The following RAB11FIP1 variants were observed in gnomAD, a reference collection of about 807,000 sequenced individuals.
The protein encoded by RAB11FIP1 is RAB11 family interacting protein 1.
A neutral mutation model predicts 83.1 loss-of-function variants in RAB11FIP1; 49 were observed. The ratio of observed to expected loss-of-function variants is 0.59; its 90% CI spans 0.47 to 0.75. The LOEUF is 0.75. Ranked by LOEUF, RAB11FIP1 falls within the 30% of genes least tolerant of loss-of-function variation. The pLI is 0.00. For synonymous variants in RAB11FIP1, 670 were observed against 656.0 expected, an observed-to-expected ratio of 1.02 and a Z score of -0.33; for missense variants, 1,536 against 1,598.7, an observed-to-expected ratio of 0.96 and a Z score of 0.67.
intron 3 of RAB11FIP1, 43 bp downstream of exon 3, chr8:37,874,472 T>C (rs569867642): frequency 2.6e-6 from 4 of 1,522,624 alleles, no homozygotes; most frequent in East Asian, 2.3e-5. Flanking sequence ...AAACCACCAA[T>C]GGCAAGGCAG....
At chr8:37,896,497 G>GA (rs966269538) in intron 1 of RAB11FIP1, among the ~76,000 whole-genome samples, 5 of 150,726 alleles carry the variant, frequency 3.3e-5, no homozygotes, top group African/African-American at 9.8e-5. Context: ...TTTTAAGAAA[G>GA]AAAAAAAAAT....
intron 5 of RAB11FIP1, among the ~76,000 whole-genome samples, chr8:37,863,936 C>G (rs1055815726): frequency 6.6e-6 from 1 of 152,186 alleles, no homozygotes; most frequent in Admixed American, 6.5e-5. Context: ...GCTGTGACAG[C>G]AAGTGCAGGG....
At chr8:37,886,679 G>A (rs1169139829) in intron 1 of RAB11FIP1, among the ~76,000 whole-genome samples, 1 of 152,186 alleles carries the variant, frequency 6.6e-6, no homozygotes, top group Admixed American at 6.5e-5. Context: ...CTCGAGTGAG[G>A]AAAGAAGCAG....
chr8:37,863,125 G>C lies in RAB11FIP1; in HGVS notation c.3634-12C>G, dbSNP rs755952723. The C allele has an allele frequency of 6.2e-7, 1 of 1,601,148 alleles. No homozygotes were observed. The highest frequency in any genetic ancestry group is 1.1e-5 in the South Asian group (1 of 90,586). Reference sequence around the variant, plus strand: ...GAGGGGCTGTATTTCTTTGGAGGGGGGGAAATAGTTGGGAAAAAGGAGTTA... The same window carrying C: ...GAGGGGCTGTATTTCTTTGGAGGGGCGGAAATAGTTGGGAAAAAGGAGTTA... On this transcript the variant is annotated splice_polypyrimidine_tract_variant and intron_variant, in intron 5 of 5. Transcript: ENST00000330843.
At chr8:37,882,073 C>T (rs1189020984) in intron 1 of RAB11FIP1, among the ~76,000 whole-genome samples, 1 of 152,152 alleles carries the variant, frequency 6.6e-6, no homozygotes. Flanking sequence ...CAACCGCAGG[C>T]GGGCAGCACG....
rs1213563162 is a variant in RAB11FIP1 at position 37,877,404 on chromosome 8, C to T, written c.519G>A (p.Leu173=). 1 of 1,614,192 alleles carries T rather than the reference C, an allele frequency of 6.2e-7. No individual in the cohort carries two copies. Among genetic ancestry groups the T allele is most frequent in the Non-Finnish European group, 8.5e-7 (1 of 1,180,038 alleles). Residue 173 remains leucine, a synonymous_variant, in exon 2 of 6, where the codon CTG becomes CTA. Transcript: ENST00000330843. ...KDKSRNPFGK[L]KDKIKGKNKD... Reference sequence around the variant, plus strand: ...TATTCTTCCCCTTGATCTTGTCCTTCAGCTTTCCAAATGGATTCCGAGACT... The same window carrying T: ...TATTCTTCCCCTTGATCTTGTCCTTTAGCTTTCCAAATGGATTCCGAGACT...
At chr8:37,892,595 C>T (rs188539534) in intron 1 of RAB11FIP1, among the ~76,000 whole-genome samples, 5 of 151,944 alleles carry the variant, frequency 3.3e-5, no homozygotes, top group African/African-American at 9.7e-5. Context: ...TACAGGCACC[C>T]GCCACCATGG....
At chr8:37,895,218 A>ATAT (rs1807040291) in intron 1 of RAB11FIP1, among the ~76,000 whole-genome samples, 26 of 13,706 alleles carry the variant, frequency 1.9e-3, no homozygotes, top group African/African-American at 5.1e-3. Context: ...GGTGCCTGCC[A>ATAT]ATATATATAT....
intron 1 of RAB11FIP1, among the ~76,000 whole-genome samples, chr8:37,892,441 T>G (rs1585448547): frequency 1.4e-5 from 2 of 139,384 alleles, no homozygotes; most frequent in Admixed American, 6.8e-5. Context: ...ATTTATTTAT[T>G]TATTTATTTA....
At chr8:37,865,285 C>T (rs934596800) in intron 5 of RAB11FIP1, among the ~76,000 whole-genome samples, 1 of 150,582 alleles carries the variant, frequency 6.6e-6, no homozygotes, top group African/African-American at 2.4e-5. Context: ...CAACACCTAA[C>T]ATTTGGGTCT....
chr8:37,869,759 T>A (rs914914892), intron 5 of RAB11FIP1, among the ~76,000 whole-genome samples: 1 of 151,876 alleles, frequency 6.6e-6, no homozygotes, highest in African/African-American at 2.4e-5. Flanking sequence ...AGAGAGAAGG[T>A]TGGGGAGAGG....
chr8:37,886,544 A>G (rs1806838595), intron 1 of RAB11FIP1, among the ~76,000 whole-genome samples: 1 of 152,208 alleles, frequency 6.6e-6, no homozygotes, highest in Non-Finnish European at 1.5e-5. Flanking sequence ...TCATTTCTGT[A>G]TCCAGTTTGG....
At chr8:37,890,945 T>C (rs1806937033) in intron 1 of RAB11FIP1, among the ~76,000 whole-genome samples, 1 of 152,202 alleles carries the variant, frequency 6.6e-6, no homozygotes, top group Non-Finnish European at 1.5e-5. Flanking sequence ...GGCAATCTAC[T>C]GCCTGCCCTG....
Position 37,875,051 on chromosome 8 carries a change from C to A in RAB11FIP1, c.1086G>T (p.Ala362=). The part of the protein sequence containing the change: ...KHLFSSTENL[A]AGSWKEPAEG... ...CAGCAGGCTCCTTCCAAGACCCAGC[C>A]GCCAGGTTCTCTGTAGAAGAGAACA... Residue 362 remains alanine, a synonymous_variant, in exon 3 of 6, where the codon GCG becomes GCT. Coordinates refer to ENST00000330843, the MANE Select transcript of RAB11FIP1 (RefSeq NM_001002814.3). 6.2e-7 allele frequency: 1 copy of A among 1,614,132 alleles called. No individual in the cohort carries two copies. Among genetic ancestry groups the A allele is most frequent in the South Asian group, 1.1e-5 (1 of 91,070 alleles).
intron 1 of RAB11FIP1, among the ~76,000 whole-genome samples, chr8:37,894,693 C>CAT (rs1365864242): frequency 2.1e-5 from 3 of 144,258 alleles, no homozygotes; most frequent in Admixed American, 6.9e-5. Context: ...TTTATATATA[C>CAT]ATAAATACAT....
Position 37,899,384 on chromosome 8 carries a change from C to T in RAB11FIP1, c.58G>A (p.Val20Met), listed in dbSNP as rs201423264. Residue 20 changes from valine (V) to methionine (M), a missense_variant, in exon 1 of 6, where the codon GTG (valine) becomes ATG (methionine). By Grantham distance (21) the Val-to-Met change is conservative (BLOSUM62 1). Coordinates refer to ENST00000330843, the MANE Select transcript of RAB11FIP1 (RefSeq NM_001002814.3). The surrounding 1 kb of genome is among the most constrained non-coding windows in gnomAD (Gnocchi z 4.5). ...GLGAVWSPTH[V>M]QVTVLQARGL... ...CGCGCCTGCAGCACCGTCACCTGCA[C>T]GTGGGTTGGGGACCACACGGCCCCC... 3.1e-6 allele frequency: 5 copies of T among 1,602,402 alleles called. No homozygotes were observed. Among genetic ancestry groups the T allele is most frequent in the Non-Finnish European group, 4.3e-6 (5 of 1,175,548 alleles).
intron 3 of RAB11FIP1, among the ~76,000 whole-genome samples, chr8:37,874,294 C>T (rs1806551554): frequency 6.6e-6 from 1 of 152,246 alleles, no homozygotes; most frequent in Admixed American, 6.5e-5. Context: ...CAGACCATGC[C>T]TGCTGGGCAG....
chr8:37,873,131 A>C lies in RAB11FIP1; in HGVS notation c.1671T>G (p.Pro557=). The change falls in exon 4 of 6, where the codon CCT becomes CCG. Residue 557 remains proline, a synonymous_variant. Transcript: ENST00000330843. The part of the protein sequence containing the change: ...EAQPTARLPS[P]TDSPSSLPPL... The stretch of plus-strand genomic sequence containing the variant: ...GAGGAAGAGAGGAAGGGGAGTCAGT[A>C]GGGGAAGGAAGCCTGGCTGTGGGTT... 1 of 1,610,512 alleles carries C rather than the reference A, an allele frequency of 6.2e-7. No homozygotes were observed. Among genetic ancestry groups the C allele is most frequent in the Non-Finnish European group, 8.5e-7 (1 of 1,179,344 alleles).
rs1806236622 is a variant in RAB11FIP1, at chr8:37,861,737, C to T, written c.*1158G>A. 2.8e-6 allele frequency: 1 copy of T among 359,254 alleles called. No individual in the cohort carries two copies. The highest frequency in any genetic ancestry group is 2.2e-5 in the African/African-American group (1 of 45,958). The allele number at this position is 359,254 out of a possible 1,614,324, so 22.3% of individuals were successfully genotyped here. A position where few individuals can be genotyped will look rare whatever the true frequency, so the allele number is the denominator to read the frequency against. On this transcript the variant is annotated 3_prime_UTR_variant, in exon 6 of 6. Coordinates refer to ENST00000330843, the MANE Select transcript of RAB11FIP1 (RefSeq NM_001002814.3). ...CCGAGTAGCTGGGATTACAGGCACGCACCACCATGCCAAGCTAATTTTTGT... is the reference window on the plus strand; with the variant it reads ...CCGAGTAGCTGGGATTACAGGCACGTACCACCATGCCAAGCTAATTTTTGT...
Sources: gnomAD v4.1 joint callset for allele counts (sites outside exome capture counted in the v4.1 genomes callset) on GRCh38, gnomAD v4.1.1 for gene constraint, Gnocchi (gnomAD v3.1) non-coding constraint, MANE v1.5 for transcripts, NCBI Gene and HGNC (gene_info 2026-07-23, HGNC 2026-07-21) for gene names.